The following THSD4 variants were observed in gnomAD, a reference collection of about 807,000 sequenced individuals.
THSD4 encodes the protein thrombospondin type 1 domain containing 4.
In THSD4, 69 loss-of-function variants were observed where a neutral mutation model predicts 119.0. The observed-to-expected ratio is 0.58, with a 90% confidence interval of 0.48 to 0.71. The LOEUF (loss-of-function observed/expected upper bound fraction) is 0.71, where lower values mean the gene tolerates loss of function less well. Among genes scored for constraint, THSD4 ranks in the 30% least tolerant of loss-of-function variants. THSD4 has a pLI of 0.00. For synonymous variants in THSD4, 524 were observed against 540.4 expected (o/e 0.97, Z 0.42); for missense variants, 1,393 against 1,391.1 (o/e 1.00, Z -0.02).
intron 14 of THSD4, among the ~76,000 whole-genome samples, chr15:71,749,829 C>T (rs1052426828): frequency 3.3e-5 from 5 of 151,832 alleles, no homozygotes; most frequent in Admixed American, 2.0e-4. Context: ...AAGCAATCCT[C>T]CTGCCTCAGC....
chr15:71,110,743 G>A (rs142203383), upstream of THSD4: 119 of 192,498 alleles, frequency 6.2e-4, 1 homozygote, highest in African/African-American at 2.7e-3. Flanking sequence ...CAGGGTCTTT[G>A]CAAAGGTGTT....
intron 9 of THSD4, chr15:71,728,993 C>G: frequency 2.1e-6 from 1 of 473,278 alleles, no homozygotes; most frequent in Admixed American, 3.3e-5. Flanking sequence ...CTTGTTGAAC[C>G]AAATCAGAGG....
chr15:71,292,802 G>A (rs745389820), intron 6 of THSD4, among the ~76,000 whole-genome samples: 42 of 150,830 alleles, frequency 2.8e-4, no homozygotes, highest in Admixed American at 1.3e-3. Flanking sequence ...TCAGCCTCCC[G>A]AGTAGCTGGG....
chr15:71,524,950 C>CCCTCCCTCCCTTGTCCATGCCT (rs1410425276), intron 7 of THSD4, among the ~76,000 whole-genome samples: 1 of 150,784 alleles, frequency 6.6e-6, no homozygotes, highest in Non-Finnish European at 1.5e-5. Context: ...TGCCCATGCT[C>CCCTCCCTCCCTTGTCCATGCCT]CCTCCCTCCC....
intron 8 of THSD4, among the ~76,000 whole-genome samples, chr15:71,667,010 G>A (rs1278977938): frequency 6.6e-6 from 1 of 152,222 alleles, no homozygotes; most frequent in Non-Finnish European, 1.5e-5. Flanking sequence ...ATTTAATGGT[G>A]CACATATTTC....
chr15:71,600,948 T>C (rs991486111), intron 7 of THSD4, among the ~76,000 whole-genome samples: 6 of 152,112 alleles, frequency 3.9e-5, no homozygotes, highest in African/African-American at 1.4e-4. Flanking sequence ...GATTTCACCA[T>C]GTTGGTCAGG....
intron 7 of THSD4, among the ~76,000 whole-genome samples, chr15:71,568,076 C>T (rs181091715): frequency 1.3e-5 from 2 of 152,078 alleles, no homozygotes; most frequent in Non-Finnish European, 2.9e-5. Flanking sequence ...TAAATAAATA[C>T]AAAAGCCAAT....
At chr15:71,595,196 C>T (rs2049885463) in intron 7 of THSD4, among the ~76,000 whole-genome samples, 2 of 152,130 alleles carry the variant, frequency 1.3e-5, no homozygotes, top group African/African-American at 4.8e-5. Context: ...TATGAGTGGA[C>T]AGGCCTGGAA....
intron 7 of THSD4, among the ~76,000 whole-genome samples, chr15:71,416,099 A>G (rs1355429911): frequency 6.6e-6 from 1 of 152,054 alleles, no homozygotes; most frequent in Non-Finnish European, 1.5e-5. Context: ...GCCTGGCCCG[A>G]AGTTTGTCTT....
At position 71,273,707 on chromosome 15, in the gene THSD4, G is replaced by C. The variant is rs540480920; in HGVS notation, c.1015+16992G>C. Among the ~76,000 whole-genome samples the C allele has an allele frequency of 1.5e-3, 221 of 152,226 alleles. 2 individuals carry two copies. The highest frequency in any genetic ancestry group is 2.2e-4 in the Non-Finnish European group (15 of 68,024). ...ACAGTATCATTTTGAGACTCATTTA[G>C]AATTATAGGGCTTTGCTGGGCGTAG... On this transcript the variant is annotated intron_variant, in intron 6 of 17. Coordinates refer to ENST00000261862, the MANE Select transcript of THSD4 (RefSeq NM_024817.3).
chr15:71,264,247 T>C (rs1371598338), intron 6 of THSD4, among the ~76,000 whole-genome samples: 1 of 152,260 alleles, frequency 6.6e-6, no homozygotes, highest in African/African-American at 2.4e-5. Context: ...ATAGGCACTC[T>C]CATTCCCGCA....
At chr15:71,749,697 T>TTATTTATTTATTTATTTATTTA in intron 14 of THSD4, among the ~76,000 whole-genome samples, 1 of 137,668 alleles carries the variant, frequency 7.3e-6, no homozygotes, top group Admixed American at 7.3e-5. Flanking sequence ...ATTTTTAAAT[T>TTATTTATTTATTTATTTATTTA]TTTATTTATT....
At chr15:71,349,678 C>G (rs2045718854) in intron 6 of THSD4, among the ~76,000 whole-genome samples, 2 of 152,194 alleles carry the variant, frequency 1.3e-5, no homozygotes, top group African/African-American at 4.8e-5. Context: ...TAGCCAAAGA[C>G]CACTGTAGGA....
At chr15:71,724,246 G>A (rs2052778195) in intron 8 of THSD4, among the ~76,000 whole-genome samples, 1 of 116,134 alleles carries the variant, frequency 8.6e-6, no homozygotes, top group Admixed American at 1.1e-4. Context: ...AGCATCTGGG[G>A]GAGGAGGCCT....
intron 8 of THSD4, among the ~76,000 whole-genome samples, chr15:71,670,656 C>A (rs1422252536): frequency 1.3e-5 from 2 of 151,798 alleles, no homozygotes; most frequent in Non-Finnish European, 2.9e-5. Context: ...CATCCCCCTG[C>A]CACACAACAC....
intron 16 of THSD4, among the ~76,000 whole-genome samples, chr15:71,765,664 A>G (rs1296025898): frequency 1.3e-5 from 2 of 152,212 alleles, no homozygotes; most frequent in African/African-American, 4.8e-5. Context: ...ATACTTTGGG[A>G]GGCCAAGGTG....
chr15:71,366,317 G>T (rs948857792), intron 6 of THSD4, among the ~76,000 whole-genome samples: 2 of 152,036 alleles, frequency 1.3e-5, no homozygotes, highest in Non-Finnish European at 2.9e-5. Context: ...CTCATGATCC[G>T]CCCGTCTTGG....
chr15:71,731,134 A>T lies in THSD4; in HGVS notation c.1547A>T (p.Gln516Leu). The T allele has an allele frequency of 6.2e-7, 1 of 1,614,150 alleles. No individual in the cohort carries two copies. Among genetic ancestry groups the T allele is most frequent in the Non-Finnish European group, 8.5e-7 (1 of 1,180,012 alleles). Residue 516 changes from glutamine to leucine, a missense_variant, in exon 10 of 18, where the codon CAG (glutamine) becomes CTG (leucine). Coordinates refer to ENST00000261862, the MANE Select transcript of THSD4 (RefSeq NM_024817.3). ...TTGTGTCAGCAGATGATACACCAGC[A>T]GCCAAACCCAGGCGTGCACTACGAG... ...EILDVYMIHQQPNPGVHYEYV... is the reference protein window; with the variant it reads ...EILDVYMIHQLPNPGVHYEYV...
chr15:71,717,672 T>C (rs1412155789), intron 8 of THSD4, among the ~76,000 whole-genome samples: 3 of 149,978 alleles, frequency 2.0e-5, no homozygotes, highest in Non-Finnish European at 4.4e-5. Context: ...AGATTAGGGA[T>C]GAGAGTTAGA....
Sources: gnomAD v4.1 joint callset for allele counts (sites outside exome capture counted in the v4.1 genomes callset) on GRCh38, gnomAD v4.1.1 for gene constraint, MANE v1.5 for transcripts, NCBI Gene and HGNC (gene_info 2026-07-23, HGNC 2026-07-21) for gene names.